KAZN: variants seen among roughly 807,000 people sequenced by gnomAD.
The protein encoded by KAZN is kazrin, periplakin interacting protein, also known as kazrin.
Under a neutral mutation model 87.4 loss-of-function variants are expected in KAZN, and 40 were observed. The ratio of observed to expected loss-of-function variants is 0.46; its 90% CI spans 0.36 to 0.60. The LOEUF is 0.60. Ranked by LOEUF, KAZN falls within the 20% of genes least tolerant of loss-of-function variation. The probability of loss-of-function intolerance (pLI) is 0.00; values close to 1 mark genes in which losing one functional copy is unlikely to be tolerated. For synonymous variants in KAZN, 466 were observed against 458.3 expected (o/e 1.02, Z -0.22); for missense variants, 898 against 1,073.9 (o/e 0.84, Z 2.29).
At chr1:14,066,394 C>T (rs375540491) in intron 1 of KAZN, among the ~76,000 whole-genome samples, 5 of 152,220 alleles carry the variant, frequency 3.3e-5, no homozygotes, top group African/African-American at 9.6e-5. Flanking sequence ...GAAATCTCCA[C>T]ACCATTGGGA....
chr1:14,751,990 G>C (rs1328025666), intron 1 of KAZN, among the ~76,000 whole-genome samples: 1 of 152,204 alleles, frequency 6.6e-6, no homozygotes, highest in Non-Finnish European at 1.5e-5. Context: ...GAAGCATGGT[G>C]CCAGCGCTTG....
At chr1:14,075,931 A>G (rs1417795697) in intron 1 of KAZN, among the ~76,000 whole-genome samples, 1 of 152,158 alleles carries the variant, frequency 6.6e-6, no homozygotes, top group African/African-American at 2.4e-5. Context: ...ATTTAAAAAG[A>G]GGGCTCTTGC....
chr1:14,012,665 C>T (rs143273094), intron 1 of KAZN, among the ~76,000 whole-genome samples: 149 of 152,212 alleles, frequency 9.8e-4, no homozygotes, highest in African/African-American at 3.1e-3. Flanking sequence ...ATTAGCTCGG[C>T]GTGTTGGCAC....
chr1:14,360,130 G>C (rs772003426), intron 2 of KAZN, among the ~76,000 whole-genome samples: 1 of 152,070 alleles, frequency 6.6e-6, no homozygotes, highest in African/African-American at 2.4e-5. Flanking sequence ...TGGAGGCTTT[G>C]TTCATTCCTT....
At chr1:14,315,770 T>C (rs1029608446) in intron 2 of KAZN, among the ~76,000 whole-genome samples, 1 of 152,104 alleles carries the variant, frequency 6.6e-6, no homozygotes, top group African/African-American at 2.4e-5. Context: ...CCCTTGAAAG[T>C]GTATACCATA....
chr1:13,957,134 A>G (rs1387417477), intron 1 of KAZN, among the ~76,000 whole-genome samples: 1 of 152,198 alleles, frequency 6.6e-6, no homozygotes, highest in South Asian at 2.1e-4. Flanking sequence ...ATCCCGGAGA[A>G]GGTTATGAAT....
intron 5 of KAZN, among the ~76,000 whole-genome samples, chr1:15,058,721 A>G (rs1007415318): frequency 6.6e-6 from 1 of 152,184 alleles, no homozygotes; most frequent in Non-Finnish European, 1.5e-5. Context: ...ATGTAAATAT[A>G]CTATTAAATA....
chr1:14,960,250 A>C (rs1489596525), intron 1 of KAZN, among the ~76,000 whole-genome samples: 2 of 152,144 alleles, frequency 1.3e-5, no homozygotes, highest in Non-Finnish European at 2.9e-5. Context: ...GGAGTTACTT[A>C]ATCTCTCTGG....
chr1:14,713,254 C>A (rs1276801650), intron 1 of KAZN, among the ~76,000 whole-genome samples: 2 of 152,190 alleles, frequency 1.3e-5, no homozygotes, highest in African/African-American at 4.8e-5. Context: ...CTTTTTCAAG[C>A]CTCTGCTTGT....
intron 2 of KAZN, among the ~76,000 whole-genome samples, chr1:14,446,688 C>T (rs1667001241): frequency 6.6e-6 from 1 of 152,144 alleles, no homozygotes; most frequent in Admixed American, 6.5e-5. Flanking sequence ...TGAGAGGGCT[C>T]CAGTTCTTCA....
chr1:14,957,892 GA>G (rs1227293620), intron 1 of KAZN, among the ~76,000 whole-genome samples: 2 of 152,246 alleles, frequency 1.3e-5, no homozygotes, highest in African/African-American at 4.8e-5. Context: ...CTTCTGTGGG[GA>G]GGAAGGACTC....
At chr1:14,412,844 G>T (rs1356302881) in intron 2 of KAZN, among the ~76,000 whole-genome samples, 1 of 151,014 alleles carries the variant, frequency 6.6e-6, no homozygotes, top group Non-Finnish European at 1.5e-5. Flanking sequence ...TTTCTGCCTG[G>T]ATATCAAGAT....
In KAZN at chr1:14,522,040, C is replaced by G. The variant is rs371480948; in HGVS notation, c.250-76943C>G. On this transcript the variant is annotated intron_variant, in intron 2 of 16. Transcript: ENST00000636203. ...TACATTGAGCTCTGTTATTCCTAAT[C>G]TTTTACACAGGCCCTCTCCACCAAA... Among the ~76,000 whole-genome samples the G allele has an allele frequency of 2.0e-5, 3 of 152,136 alleles. No individual in the cohort carries two copies. In the East Asian group the frequency reaches 5.8e-4, roughly 29 times the overall value.
chr1:14,359,487 G>T (rs1659321167), intron 2 of KAZN, among the ~76,000 whole-genome samples: 1 of 152,162 alleles, frequency 6.6e-6, no homozygotes, highest in South Asian at 2.1e-4. Flanking sequence ...TATGACACTA[G>T]CTGGTTATTT....
At chr1:13,980,241 GAAC>G (rs1231620517) in intron 1 of KAZN, among the ~76,000 whole-genome samples, 4 of 151,966 alleles carry the variant, frequency 2.6e-5, no homozygotes, top group African/African-American at 9.7e-5. Context: ...AATAAAAATT[GAAC>G]AATAAACAGA....
intron 1 of KAZN, among the ~76,000 whole-genome samples, chr1:14,951,804 C>G (rs1257734317): frequency 1.3e-5 from 2 of 152,134 alleles, no homozygotes; most frequent in Non-Finnish European, 2.9e-5. Flanking sequence ...CTTTAACCCT[C>G]CAAGGGCAAT....
intron 1 of KAZN, among the ~76,000 whole-genome samples, chr1:14,899,449 G>T (rs1655616503): frequency 6.6e-6 from 1 of 152,176 alleles, no homozygotes; most frequent in Non-Finnish European, 1.5e-5. Context: ...CCTGTCCCAG[G>T]TTCAAACTCC....
chr1:14,166,679 C>A (rs1276842551), intron 1 of KAZN, among the ~76,000 whole-genome samples: 1 of 152,216 alleles, frequency 6.6e-6, no homozygotes, highest in African/African-American at 2.4e-5. Context: ...TATATTTTAA[C>A]AAATTTTGAC....
rs544277808 is a variant in KAZN at position 15,115,369 on chromosome 1, G to A, written c.*734G>A. The A allele has an allele frequency of 6.6e-6, 1 of 152,262 alleles. No individual in the cohort carries two copies. Among genetic ancestry groups the A allele is most frequent in the Non-Finnish European group, 1.5e-5 (1 of 68,062 alleles). The allele number at this position is 152,262 out of a possible 1,614,324, so 9.4% of individuals were successfully genotyped here. On this transcript the variant is annotated 3_prime_UTR_variant, in exon 15 of 15. Coordinates refer to ENST00000376030, the MANE Select transcript of KAZN (RefSeq NM_201628.3). The surrounding 1 kb of genome is among the most constrained non-coding windows in gnomAD (Gnocchi z 4.1). Reference sequence around the variant, plus strand: ...GGGCTTAGCAGCCACATTTCTAGGAGATGCAGATATCCTATCACCAGAATG... The same window carrying A: ...GGGCTTAGCAGCCACATTTCTAGGAAATGCAGATATCCTATCACCAGAATG...
Sources: gnomAD v4.1 joint callset for allele counts (sites outside exome capture counted in the v4.1 genomes callset) on GRCh38, gnomAD v4.1.1 for gene constraint, Gnocchi (gnomAD v3.1) non-coding constraint, MANE v1.5 for transcripts, NCBI Gene and HGNC (gene_info 2026-07-23, HGNC 2026-07-21) for gene names.